The following HDAC9 variants were observed in gnomAD, a reference collection of about 807,000 sequenced individuals.
HDAC9 encodes the protein MEF-2 interacting transcription repressor (MITR) protein.
Under a neutral mutation model 139.4 loss-of-function variants are expected in HDAC9, and 41 were observed. That is an observed-to-expected ratio of 0.29 (90% CI 0.23 to 0.38). The LOEUF is 0.38. Among genes scored for constraint, HDAC9 ranks in the 10% least tolerant of loss-of-function variants. HDAC9 has a pLI of 1.00. For missense variants in HDAC9, 1,147 were observed against 1,297.0 expected, an observed-to-expected ratio of 0.88 and a Z score of 1.78; for synonymous variants, 517 against 476.2, an observed-to-expected ratio of 1.09 and a Z score of -1.12.
intron 1 of HDAC9, among the ~76,000 whole-genome samples, chr7:18,092,104 G>A (rs7810811): frequency 0.26 from 39,948 of 152,154 alleles, 5,359 homozygotes; most frequent in Admixed American, 0.33. Context: ...CTCTGGTGTA[G>A]GGTGGGCACA....
At chr7:18,561,846 G>A (rs1245259634) in intron 2 of HDAC9, among the ~76,000 whole-genome samples, 1 of 152,186 alleles carries the variant, frequency 6.6e-6, no homozygotes, top group Non-Finnish European at 1.5e-5. Flanking sequence ...CAGTGAATCA[G>A]CAGATGTGTA....
intron 1 of HDAC9, among the ~76,000 whole-genome samples, chr7:18,339,316 T>C (rs1377760455): frequency 6.6e-6 from 1 of 151,420 alleles, no homozygotes; most frequent in Non-Finnish European, 1.5e-5. Flanking sequence ...TTGGGTTTCA[T>C]GTGCTTCTCT....
chr7:18,904,652 T>G (rs1215335496), intron 22 of HDAC9, among the ~76,000 whole-genome samples: 1 of 139,532 alleles, frequency 7.2e-6, no homozygotes, highest in East Asian at 2.3e-4. Flanking sequence ...ATCCGCTCAC[T>G]GCAAGCTCCG....
intron 13 of HDAC9, among the ~76,000 whole-genome samples, chr7:18,731,690 A>G (rs1015514066): frequency 5.3e-5 from 8 of 152,126 alleles, no homozygotes. Context: ...CAATGGAACG[A>G]TCTTGGCTCA....
At chr7:18,176,640 G>C (rs1039400494) in intron 2 of HDAC9, among the ~76,000 whole-genome samples, 5 of 152,120 alleles carry the variant, frequency 3.3e-5, no homozygotes, top group African/African-American at 1.2e-4. Context: ...AATTCTGTTT[G>C]GGTAATTTTT....
At position 19,000,637 on chromosome 7, in the gene HDAC9, T is replaced by G. The variant is rs1786704939; in HGVS notation, c.*4575T>G. The G allele has an allele frequency of 1.3e-5, 2 of 152,226 alleles. No homozygotes were observed. The highest frequency in any genetic ancestry group is 4.8e-5 in the African/African-American group (2 of 41,460). The allele number at this position is 152,226 out of a possible 1,614,324, so 9.4% of individuals were successfully genotyped here. A position where few individuals can be genotyped will look rare whatever the true frequency, so the allele number is the denominator to read the frequency against. On this transcript the variant is annotated 3_prime_UTR_variant, in exon 26 of 26. Transcript: ENST00000686413. ...GTCAGACAATGAAACCTTAGACTTTTGATTGGGGCTGTTTGGACTTGATCC... is the reference window on the plus strand; with the variant it reads ...GTCAGACAATGAAACCTTAGACTTTGGATTGGGGCTGTTTGGACTTGATCC...
intron 22 of HDAC9, among the ~76,000 whole-genome samples, chr7:18,924,297 A>G (rs933555969): frequency 6.6e-6 from 1 of 152,108 alleles, no homozygotes; most frequent in African/African-American, 2.4e-5. Flanking sequence ...AGAAGCTTAT[A>G]TACTATGGAA....
At chr7:18,444,730 T>C (rs1388466343) in intron 1 of HDAC9, among the ~76,000 whole-genome samples, 2 of 152,204 alleles carry the variant, frequency 1.3e-5, no homozygotes, top group Non-Finnish European at 2.9e-5. Flanking sequence ...AATGTTAAGA[T>C]ACATGTTTTG....
chr7:18,096,433 C>A (rs763415565), intron 1 of HDAC9, among the ~76,000 whole-genome samples: 1 of 152,064 alleles, frequency 6.6e-6, no homozygotes, highest in African/African-American at 2.4e-5. Context: ...AGTTTTTAAA[C>A]GTTTATTCAG....
chr7:18,468,188 C>T (rs971463886), intron 1 of HDAC9, among the ~76,000 whole-genome samples: 3 of 152,102 alleles, frequency 2.0e-5, no homozygotes, highest in African/African-American at 7.2e-5. Flanking sequence ...TCTTTAGAAG[C>T]AAGTCACTAA....
chr7:18,895,983 C>A (rs914441993), intron 22 of HDAC9, among the ~76,000 whole-genome samples: 1 of 151,968 alleles, frequency 6.6e-6, no homozygotes, highest in African/African-American at 2.4e-5. Flanking sequence ...ATAAAGAAAA[C>A]ATTTGTTTAT....
chr7:18,859,216 C>A (rs1797907312), intron 21 of HDAC9, among the ~76,000 whole-genome samples: 1 of 152,128 alleles, frequency 6.6e-6, no homozygotes, highest in African/African-American at 2.4e-5. Context: ...TAACTTCATG[C>A]CTGGCACCTA....
intron 1 of HDAC9, among the ~76,000 whole-genome samples, chr7:18,334,644 C>G (rs1223554642): frequency 6.6e-6 from 1 of 151,376 alleles, no homozygotes; most frequent in East Asian, 1.9e-4. Flanking sequence ...AGAAACTCCA[C>G]TCAAATAGTA....
At chr7:18,405,680 T>C (rs1787941625) in intron 1 of HDAC9, among the ~76,000 whole-genome samples, 1 of 152,120 alleles carries the variant, frequency 6.6e-6, no homozygotes, top group Non-Finnish European at 1.5e-5. Flanking sequence ...AAAAAAAATA[T>C]GCTAGGGAAA....
In HDAC9 at chr7:18,875,866, A is replaced by G. The variant is rs75679315; in HGVS notation, c.2803+1270A>G. Among the ~76,000 whole-genome samples the G allele has an allele frequency of 5.9e-3, 892 of 152,310 alleles. 4 individuals carry two copies. Among genetic ancestry groups the G allele is most frequent in the Non-Finnish European group, 8.5e-3 (579 of 68,012 alleles). Reference sequence around the variant, plus strand: ...GTTGTCTAAATAAACAAAGACAAAGAGAGTTTGTACATCAAGTTGAGATAA... The same window carrying G: ...GTTGTCTAAATAAACAAAGACAAAGGGAGTTTGTACATCAAGTTGAGATAA... On this transcript the variant is annotated intron_variant, in intron 22 of 25. Coordinates refer to ENST00000686413, the MANE Select transcript of HDAC9 (RefSeq NM_178425.4).
intron 2 of HDAC9, among the ~76,000 whole-genome samples, chr7:18,168,449 C>G (rs1207952828): frequency 6.6e-6 from 1 of 152,118 alleles, no homozygotes; most frequent in East Asian, 1.9e-4. Flanking sequence ...ATCTTGCTAC[C>G]TCTGCAAATA....
chr7:18,719,535 TCA>T (rs2129122747), intron 12 of HDAC9, among the ~76,000 whole-genome samples: 1 of 152,226 alleles, frequency 6.6e-6, no homozygotes, highest in South Asian at 2.1e-4. Context: ...AGATGTGGTT[TCA>T]CCACGTTGGC....
chr7:18,383,441 A>G (rs1047343721), intron 1 of HDAC9, among the ~76,000 whole-genome samples: 11 of 152,342 alleles, frequency 7.2e-5, no homozygotes, highest in African/African-American at 2.4e-4. Context: ...CTGTTCAGGT[A>G]TATGATAAAA....
intron 21 of HDAC9, among the ~76,000 whole-genome samples, chr7:18,873,592 T>G (rs1051532252): frequency 2.0e-5 from 3 of 152,158 alleles, no homozygotes; most frequent in African/African-American, 7.2e-5. Context: ...TAATATTTGT[T>G]TTAGTTATAT....
Sources: allele counts gnomAD v4.1 joint callset (sites outside exome capture counted in the v4.1 genomes callset), GRCh38; gene constraint gnomAD v4.1.1; transcripts MANE v1.5; gene names NCBI Gene and HGNC (gene_info 2026-07-23, HGNC 2026-07-21).